AGO2: variants seen among roughly 807,000 people sequenced by gnomAD.
The protein encoded by AGO2 is argonaute RISC catalytic component 2.
A neutral mutation model predicts 102.3 loss-of-function variants in AGO2; 5 were observed. That is an observed-to-expected ratio of 0.05 (90% confidence interval 0.03 to 0.10). The LOEUF is 0.10. Among genes scored for constraint, AGO2 ranks in the 10% least tolerant of loss-of-function variants. The pLI is 1.00. For missense variants in AGO2, 541 were observed against 1,183.7 expected, an observed-to-expected ratio of 0.46 and a Z score of 7.97; for synonymous variants, 449 against 473.1, an observed-to-expected ratio of 0.95 and a Z score of 0.66.
chr8:140,635,420 G>A (rs2074394591), intron 1 of AGO2, 65 bp downstream of exon 1: 11 of 974,740 alleles, frequency 1.1e-5, no homozygotes, highest in Non-Finnish European at 1.3e-5. Context: ...GCCCGCGCCG[G>A]GCCCGCCAAC....
In AGO2 at chr8:140,539,310, AG is replaced by A. The variant is rs1440029381; in HGVS notation, c.2169+9del. The A allele has an allele frequency of 2.5e-6, 4 of 1,596,806 alleles. No homozygotes were observed. The East Asian group carries it at 9.0e-5, about 36-fold the overall frequency. On this transcript the variant is annotated intron_variant, in intron 16 of 18. Transcript: ENST00000220592. This position sits in a 1 kb window ranked among gnomAD's most constrained non-coding sequence, Gnocchi z 4.7. The stretch of plus-strand genomic sequence containing the variant: ...CCGTGCCCCCTGCCTGGAGTCATGC[AG>A]AAACTCACCCGCTCGTTCTTGTCAG...
rs532508523 is a variant in AGO2 at position 140,624,068 on chromosome 8, G to A, written c.22+11417C>T. Among the ~76,000 whole-genome samples, 12 of 152,070 alleles carry A rather than the reference G, an allele frequency of 7.9e-5. No homozygotes were observed. In the South Asian group the frequency reaches 8.3e-4, roughly 11 times the overall value. On this transcript the variant is annotated intron_variant, in intron 1 of 18. Coordinates refer to ENST00000220592, the MANE Select transcript of AGO2 (RefSeq NM_012154.5). ...GGAGCCAGGAAGGTGCAGGGCGAGC[G>A]CGATGGACCGTCCCCTCCTGGGTTT...
rs1273785716 is a variant in AGO2, at chr8:140,520,193, A to G, written c.*11851T>C. On this transcript the variant is annotated 3_prime_UTR_variant, in exon 19 of 19. Transcript: ENST00000220592. ...GACTTTTATTTAATTTTTTGCTGAC[A>G]TACTATGAGGCAAAACAAAATTGAC... 6.6e-6 allele frequency: 1 copy of G among 152,208 alleles called. No homozygotes were observed. Among genetic ancestry groups the G allele is most frequent in the African/African-American group, 2.4e-5 (1 of 41,442 alleles). 9.4% of individuals were successfully genotyped at this position (152,208 alleles called of 1,614,324 possible).
rs368386263 is a variant in AGO2, at chr8:140,557,009, G to A, written c.1026+80C>T. ...ATTTGTATCTGACTGGGGCCTCGGC[G>A]GTTTCTCGAAGCTGCATGCCCCAGC... On this transcript the variant is annotated intron_variant, in intron 8 of 18. Coordinates refer to ENST00000220592, the MANE Select transcript of AGO2 (RefSeq NM_012154.5). This position sits in a 1 kb window ranked among gnomAD's most constrained non-coding sequence, Gnocchi z 5.9. 43 of 1,519,790 alleles carry A rather than the reference G, an allele frequency of 2.8e-5. No individual in the cohort carries two copies. The highest frequency in any genetic ancestry group is 1.4e-4 in the South Asian group (11 of 77,868). The allele number at this position is 1,519,790 out of a possible 1,614,324, so 94.1% of individuals were successfully genotyped here.
intron 1 of AGO2, among the ~76,000 whole-genome samples, chr8:140,588,127 G>A (rs1344411963): frequency 6.6e-6 from 1 of 152,206 alleles, no homozygotes; most frequent in Non-Finnish European, 1.5e-5. Context: ...GGCCACAGGT[G>A]GCACGCCCTG....
At chr8:140,600,046 GAC>G (rs2073909776) in intron 1 of AGO2, among the ~76,000 whole-genome samples, 1 of 148,294 alleles carries the variant, frequency 6.7e-6, no homozygotes, top group African/African-American at 2.5e-5. Context: ...AAGGCAAATG[GAC>G]ACAAAGACAC....
chr8:140,531,635 ACT>A lies in AGO2; in HGVS notation c.*407_*408del, dbSNP rs1335408638. On this transcript the variant is annotated 3_prime_UTR_variant, in exon 19 of 19. Coordinates refer to ENST00000220592, the MANE Select transcript of AGO2 (RefSeq NM_012154.5). The stretch of plus-strand genomic sequence containing the variant: ...CACACTTGTGTTTTGTGTTGCTTTC[ACT>A]CTCAGAAGATTCACAGCTAGTTTGA... The A allele has an allele frequency of 6.1e-6, 1 of 164,298 alleles. No individual in the cohort carries two copies. Among genetic ancestry groups the A allele is most frequent in the Non-Finnish European group, 1.3e-5 (1 of 74,100 alleles). 10.2% of individuals were successfully genotyped at this position (164,298 alleles called of 1,614,324 possible). A position where few individuals can be genotyped will look rare whatever the true frequency, so the allele number is the denominator to read the frequency against.
At chr8:140,625,663 A>G (rs1391495445) in intron 1 of AGO2, among the ~76,000 whole-genome samples, 1 of 152,052 alleles carries the variant, frequency 6.6e-6, no homozygotes, top group Admixed American at 6.6e-5. Context: ...AGGGAGTCCA[A>G]CCAGAGTTCC....
chr8:140,532,096 G>C lies in AGO2; in HGVS notation c.2528C>G (p.Ala843Gly), dbSNP rs2072607652. ...QSNGRDHQAL[A>G]KAVQVHQDTL... ...GTCTTGGTGAACCTGGACCGCCTTG[G>C]CCAGTGCTTGGTGGTCTCGCCCGTT... is the stretch of plus-strand genomic sequence containing the variant. The change falls in exon 19 of 19, where the codon GCC (alanine) becomes GGC (glycine). Residue 843 changes from alanine to glycine, a missense_variant. By Grantham distance (60) the Ala-to-Gly change is moderately conservative. Around this residue, in one of 6 missense-constraint regions of AGO2, gnomAD observed 309 missense variants for 735.1 expected, o/e 0.42. Coordinates refer to ENST00000220592, the MANE Select transcript of AGO2 (RefSeq NM_012154.5). The C allele has an allele frequency of 6.2e-7, 1 of 1,614,056 alleles. No individual in the cohort carries two copies.
upstream of AGO2, among the ~76,000 whole-genome samples, chr8:140,640,613 G>T (rs1463518496): frequency 6.6e-6 from 1 of 151,948 alleles, no homozygotes; most frequent in Non-Finnish European, 1.5e-5. Context: ...TCCACCTCCC[G>T]GGTTCAAGCG....
At chr8:140,534,721 G>A (rs947569995) in intron 17 of AGO2, among the ~76,000 whole-genome samples, 1 of 152,206 alleles carries the variant, frequency 6.6e-6, no homozygotes, top group East Asian at 1.9e-4. Flanking sequence ...TTTAGGAAGG[G>A]ATATTCAAGT....
At chr8:140,613,190 ACTCCGTCT>A (rs1203179968) in intron 1 of AGO2, among the ~76,000 whole-genome samples, 23 of 152,078 alleles carry the variant, frequency 1.5e-4, no homozygotes, top group African/African-American at 5.6e-4. Flanking sequence ...ACAGAGCAAG[ACTCCGTCT>A]CAAAAAACAA....
At position 140,520,597 on chromosome 8, in the gene AGO2, G is replaced by A. The variant is rs1391096508; in HGVS notation, c.*11447C>T. On this transcript the variant is annotated 3_prime_UTR_variant, in exon 19 of 19. Transcript: ENST00000220592. ...CTGAGGAATAGAGAAATGTGAAGACGGGCTCTCTGGAGAGACCAGAGGCTC... is the reference window on the plus strand; with the variant it reads ...CTGAGGAATAGAGAAATGTGAAGACAGGCTCTCTGGAGAGACCAGAGGCTC... The A allele has an allele frequency of 1.3e-5, 2 of 152,084 alleles. No homozygotes were observed. Among genetic ancestry groups the A allele is most frequent in the Non-Finnish European group, 1.5e-5 (1 of 68,008 alleles). The allele number at this position is 152,084 out of a possible 1,614,324, so 9.4% of individuals were successfully genotyped here.
At chr8:140,552,737 C>T (rs898063799) in intron 10 of AGO2, among the ~76,000 whole-genome samples, 23 of 84,732 alleles carry the variant, frequency 2.7e-4, no homozygotes, top group African/African-American at 1.0e-3. Flanking sequence ...CACGCGCGCG[C>T]GCGCACACAC....
intron 3 of AGO2, among the ~76,000 whole-genome samples, chr8:140,564,126 T>G (rs1418463347): frequency 6.6e-6 from 1 of 152,172 alleles, no homozygotes. Context: ...TCCAGCCGGA[T>G]AGACTTCAAA....
At position 140,523,910 on chromosome 8, in the gene AGO2, A is replaced by T. The variant is rs2072457429; in HGVS notation, c.*8134T>A. On this transcript the variant is annotated 3_prime_UTR_variant, in exon 19 of 19. Transcript: ENST00000220592. ...CTTCCTAGGTATTTAAGAAATAAGT[A>T]CATGGGATTACTTCCCCACTTAAAA... is the stretch of plus-strand genomic sequence containing the variant. The T allele has an allele frequency of 6.6e-6, 1 of 152,260 alleles. No homozygotes were observed. The allele number at this position is 152,260 out of a possible 1,614,324, so 9.4% of individuals were successfully genotyped here.
At chr8:140,538,832 G>T (rs1371079384) in intron 16 of AGO2, among the ~76,000 whole-genome samples, 1 of 152,172 alleles carries the variant, frequency 6.6e-6, no homozygotes, top group East Asian at 1.9e-4. Flanking sequence ...GGGGCGCAGT[G>T]GTTCACACCT....
intron 1 of AGO2, among the ~76,000 whole-genome samples, chr8:140,596,623 C>A (rs565690158): frequency 1.3e-5 from 2 of 152,322 alleles, no homozygotes; most frequent in South Asian, 4.1e-4. Flanking sequence ...AAGATGTAAG[C>A]ACAGATAGTC....
intron 1 of AGO2, among the ~76,000 whole-genome samples, chr8:140,593,438 C>T (rs376365663): frequency 2.0e-4 from 31 of 151,596 alleles, no homozygotes; most frequent in African/African-American, 6.8e-4. Context: ...GTGATCCACC[C>T]GCCTCGGCCT....
Sources: gnomAD v4.1 joint callset for allele counts (sites outside exome capture counted in the v4.1 genomes callset) on GRCh38, gnomAD v4.1.1 for gene constraint, gnomAD v4.1.1 regional missense constraint, Gnocchi (gnomAD v3.1) non-coding constraint, MANE v1.5 for transcripts, NCBI Gene and HGNC (gene_info 2026-07-23, HGNC 2026-07-21) for gene names.